Variants in CSMD1 observed in about 807,000 individuals in gnomAD.
The protein encoded by CSMD1 is CUB and sushi domain-containing protein 1.
CSMD1 carries 213 observed loss-of-function variants against 417.5 expected under a neutral mutation model. The ratio of observed to expected loss-of-function variants is 0.51; its 90% CI spans 0.46 to 0.57. The LOEUF (loss-of-function observed/expected upper bound fraction) is 0.57. Among genes scored for constraint, CSMD1 ranks in the 20% least tolerant of loss-of-function variants. The probability of loss-of-function intolerance (pLI) is 0.00; values close to 1 mark genes in which losing one functional copy is unlikely to be tolerated. For missense variants in CSMD1, 6,923 were observed against 4,529.7 expected (o/e 1.53, Z -15.17); for synonymous variants, 2,862 against 1,736.8 (o/e 1.65, Z -16.11).
chr8:4,622,816 T>C (rs1038106439), intron 2 of CSMD1, among the ~76,000 whole-genome samples: 2 of 152,282 alleles, frequency 1.3e-5, no homozygotes, highest in Admixed American at 6.5e-5. Context: ...AAAGGGAAAG[T>C]TGAGCTGCCT....
rs74761605 is a variant in CSMD1 at position 4,916,082 on chromosome 8, C to G, written c.85+78250G>C. ...CAACGCCAGCACTTCAGATTACGTT[C>G]ATATGCCAGAAAGACAGGTGGTGCT... On this transcript the variant is annotated intron_variant, in intron 1 of 69. Transcript: ENST00000635120. Among the ~76,000 whole-genome samples, 312 of 152,310 alleles carry G rather than the reference C, an allele frequency of 2.0e-3. 8 individuals are homozygous for G. In the East Asian group the frequency reaches 0.027, roughly 13 times the overall value.
chr8:4,401,268 T>G (rs1804627390), intron 3 of CSMD1, among the ~76,000 whole-genome samples: 1 of 152,170 alleles, frequency 6.6e-6, no homozygotes, highest in Admixed American at 6.5e-5. Context: ...ATATATGTCT[T>G]GAAACCTGTA....
chr8:3,206,873 C>T (rs1333173693), intron 30 of CSMD1, among the ~76,000 whole-genome samples: 1 of 152,218 alleles, frequency 6.6e-6, no homozygotes, highest in South Asian at 2.1e-4. Context: ...GATATCCAGT[C>T]TTTAGATTGC....
At chr8:3,317,983 G>T (rs897430739) in intron 23 of CSMD1, among the ~76,000 whole-genome samples, 7 of 152,178 alleles carry the variant, frequency 4.6e-5, no homozygotes, top group African/African-American at 1.2e-4. Context: ...GCTAATATTT[G>T]TATCTTTTGT....
At chr8:4,030,224 C>G (rs917249560) in intron 4 of CSMD1, among the ~76,000 whole-genome samples, 2 of 152,112 alleles carry the variant, frequency 1.3e-5, no homozygotes, top group Non-Finnish European at 2.9e-5. Flanking sequence ...CCAGTAGGGA[C>G]TCTGTGGGGG....
chr8:4,041,090 C>T (rs1407504800), intron 3 of CSMD1, among the ~76,000 whole-genome samples: 25 of 144,050 alleles, frequency 1.7e-4, no homozygotes, highest in African/African-American at 6.5e-4. Context: ...GATCTCGGCT[C>T]ACTGCAAGCT....
At chr8:4,313,705 G>C (rs888002387) in intron 3 of CSMD1, among the ~76,000 whole-genome samples, 1 of 151,934 alleles carries the variant, frequency 6.6e-6, no homozygotes, top group African/African-American at 2.4e-5. Flanking sequence ...TTTACTCTAA[G>C]GTCATATGAC....
chr8:4,283,662 C>T (rs756773580), intron 3 of CSMD1, among the ~76,000 whole-genome samples: 1 of 152,176 alleles, frequency 6.6e-6, no homozygotes, highest in African/African-American at 2.4e-5. Flanking sequence ...CCAACAGACA[C>T]ACCTCAGTTT....
At chr8:4,203,048 G>A (rs149332381) in intron 3 of CSMD1, among the ~76,000 whole-genome samples, 7 of 152,304 alleles carry the variant, frequency 4.6e-5, no homozygotes, top group African/African-American at 1.2e-4. Context: ...GGATTTGACA[G>A]GTGTGAGAGT....
At chr8:3,273,857 G>A (rs947123684) in intron 26 of CSMD1, among the ~76,000 whole-genome samples, 1 of 151,982 alleles carries the variant, frequency 6.6e-6, no homozygotes. Context: ...TACCAATTTT[G>A]TGGATCCTTT....
chr8:3,981,676 G>A (rs932605510), intron 5 of CSMD1, among the ~76,000 whole-genome samples: 5 of 151,740 alleles, frequency 3.3e-5, no homozygotes, highest in African/African-American at 9.7e-5. Flanking sequence ...CTTCTTTGAC[G>A]TTAATTGTGC....
chr8:4,797,164 T>A (rs1798025698), intron 1 of CSMD1, among the ~76,000 whole-genome samples: 1 of 152,154 alleles, frequency 6.6e-6, no homozygotes, highest in Non-Finnish European at 1.5e-5. Context: ...GGCAGCAGCA[T>A]CTCAGGCTCC....
intron 3 of CSMD1, among the ~76,000 whole-genome samples, chr8:4,102,078 T>A (rs1055940791): frequency 6.6e-6 from 1 of 152,188 alleles, no homozygotes; most frequent in Admixed American, 6.5e-5. Context: ...TTACCTGCGC[T>A]GCACTAATTT....
intron 3 of CSMD1, among the ~76,000 whole-genome samples, chr8:4,288,493 A>C (rs1466453941): frequency 2.6e-5 from 4 of 152,084 alleles, no homozygotes; most frequent in African/African-American, 9.7e-5. Context: ...GGGTAATCCC[A>C]CTCTGCCTTT....
At chr8:3,425,433 C>T (rs1025577843) in intron 12 of CSMD1, among the ~76,000 whole-genome samples, 3 of 151,686 alleles carry the variant, frequency 2.0e-5, no homozygotes, top group African/African-American at 4.8e-5. Flanking sequence ...ACTAAAAATA[C>T]AAAAATTAGC....
rs113847258 is a variant in CSMD1 at position 2,968,228 on chromosome 8, G to A, written c.8924-1482C>T. On this transcript the variant is annotated intron_variant, in intron 57 of 69. Transcript: ENST00000635120. ...AACAAACACATATTCCTCACTTACT[G>A]TGCAACAGGTACTGTGTGGATGGGC... 6.4e-4 allele frequency among the ~76,000 whole-genome samples: 97 copies of A among 152,296 alleles called. 1 individual carries two copies. Among genetic ancestry groups the A allele is most frequent in the African/African-American group, 2.3e-3 (96 of 41,568 alleles).
chr8:4,192,511 C>T (rs999036857), intron 3 of CSMD1, among the ~76,000 whole-genome samples: 1 of 151,412 alleles, frequency 6.6e-6, no homozygotes, highest in Non-Finnish European at 1.5e-5. Context: ...CCGTTTAAGA[C>T]AATACCCCCT....
chr8:3,384,829 A>G (rs1322144992), intron 18 of CSMD1, among the ~76,000 whole-genome samples: 1 of 123,530 alleles, frequency 8.1e-6, no homozygotes, highest in East Asian at 2.3e-4. Flanking sequence ...AATTAAATAA[A>G]ATAGTATACA....
At chr8:3,962,777 A>AATATTC (rs1267058256) in intron 5 of CSMD1, among the ~76,000 whole-genome samples, 2 of 152,114 alleles carry the variant, frequency 1.3e-5, no homozygotes, top group African/African-American at 4.8e-5. Context: ...ATGTTTCCAC[A>AATATTC]ATATTCATAT....
Sources: gnomAD v4.1 joint callset for allele counts (sites outside exome capture counted in the v4.1 genomes callset) on GRCh38, gnomAD v4.1.1 for gene constraint, MANE v1.5 for transcripts, NCBI Gene and HGNC (gene_info 2026-07-23, HGNC 2026-07-21) for gene names.